The following CNOT6 variants were observed in gnomAD, a reference collection of about 807,000 sequenced individuals.
CNOT6 encodes the protein CCR4-NOT transcription complex subunit 6, also known as carbon catabolite repression 4 protein.
Under a neutral mutation model 61.2 loss-of-function variants are expected in CNOT6, and 12 were observed. That is an observed-to-expected ratio of 0.20 (90% CI 0.13 to 0.32). CNOT6 has a LOEUF of 0.32. Ranked by LOEUF, CNOT6 falls within the 10% of genes least tolerant of loss-of-function variation. The probability of loss-of-function intolerance (pLI) is 1.00; values close to 1 mark genes in which losing one functional copy is unlikely to be tolerated. For synonymous variants in CNOT6, 225 were observed against 240.6 expected (o/e 0.94, Z 0.60); for missense variants, 405 against 663.9 (o/e 0.61, Z 4.28).
At chr5:180,563,216 A>ATTTT (rs11379078) in intron 4 of CNOT6, among the ~76,000 whole-genome samples, 1 of 140,232 alleles carries the variant, frequency 7.1e-6, no homozygotes, top group Non-Finnish European at 1.5e-5. Context: ...TTCCTGTTAA[A>ATTTT]TTTTTTTTTT....
chr5:180,526,566 TAGG>T (rs1371483497), intron 1 of CNOT6, among the ~76,000 whole-genome samples: 1 of 152,162 alleles, frequency 6.6e-6, no homozygotes, highest in East Asian at 1.9e-4. Flanking sequence ...AGAAGTCATC[TAGG>T]AGAAGGGGAT....
chr5:180,541,572 C>T (rs759900541), intron 2 of CNOT6, among the ~76,000 whole-genome samples: 15 of 150,282 alleles, frequency 1.0e-4, no homozygotes, highest in Admixed American at 3.3e-4. Flanking sequence ...CTGCCTCAGC[C>T]TCCCGAGTAG....
At chr5:180,552,119 T>C (rs574094726) in intron 3 of CNOT6, among the ~76,000 whole-genome samples, 3 of 151,950 alleles carry the variant, frequency 2.0e-5, no homozygotes, top group African/African-American at 7.2e-5. Context: ...TCTGCCTGCC[T>C]CGGCCTCCCA....
intron 1 of CNOT6, among the ~76,000 whole-genome samples, chr5:180,517,180 C>T (rs548350069): frequency 5.3e-5 from 8 of 152,336 alleles, no homozygotes; most frequent in South Asian, 2.1e-4. Flanking sequence ...TCCTTTCGCT[C>T]AGGCTGGAGC....
intron 1 of CNOT6, among the ~76,000 whole-genome samples, chr5:180,512,271 T>TGG (rs1424707252): frequency 6.6e-6 from 1 of 152,076 alleles, no homozygotes; most frequent in Non-Finnish European, 1.5e-5. Context: ...GGGAAGGAGG[T>TGG]GGGTAACATT....
chr5:180,508,819 T>A (rs1034884601), intron 1 of CNOT6, among the ~76,000 whole-genome samples: 4 of 61,182 alleles, frequency 6.5e-5, no homozygotes, highest in Admixed American at 1.3e-4. Context: ...TTAATTAATT[T>A]TATTATTATT....
At chr5:180,555,588 T>G (rs1357107233) in intron 4 of CNOT6, among the ~76,000 whole-genome samples, 3 of 152,230 alleles carry the variant, frequency 2.0e-5, no homozygotes, top group Non-Finnish European at 4.4e-5. Context: ...TTTTATTTTT[T>G]CTGAGCTTTT....
At chr5:180,505,890 G>A (rs1258279093) in intron 1 of CNOT6, among the ~76,000 whole-genome samples, 1 of 152,114 alleles carries the variant, frequency 6.6e-6, no homozygotes, top group African/African-American at 2.4e-5. Context: ...GTCCCGAGAC[G>A]GTAGTGTTTT....
intron 1 of CNOT6, among the ~76,000 whole-genome samples, chr5:180,499,160 C>A (rs1177796793): frequency 1.3e-5 from 2 of 152,170 alleles, no homozygotes; most frequent in African/African-American, 4.8e-5. Context: ...TAGGGCTATG[C>A]CCAGTTGCTC....
chr5:180,562,255 T>C (rs148660155), intron 4 of CNOT6, among the ~76,000 whole-genome samples: 110 of 152,358 alleles, frequency 7.2e-4, no homozygotes, highest in African/African-American at 2.6e-3. Flanking sequence ...ACAGTGCTTT[T>C]AGTTGTACCT....
intron 4 of CNOT6, among the ~76,000 whole-genome samples, chr5:180,560,041 T>A (rs977641763): frequency 1.1e-4 from 16 of 151,636 alleles, no homozygotes; most frequent in African/African-American, 3.9e-4. Context: ...TTCCGCCTCC[T>A]GGGTTCAAAC....
chr5:180,524,845 G>C (rs1293120535), intron 1 of CNOT6, among the ~76,000 whole-genome samples: 1 of 152,290 alleles, frequency 6.6e-6, no homozygotes, highest in East Asian at 1.9e-4. Context: ...AATTCTATCT[G>C]GGAAAGCTAA....
chr5:180,527,818 G>A (rs763824912), intron 1 of CNOT6, among the ~76,000 whole-genome samples: 12 of 152,252 alleles, frequency 7.9e-5, no homozygotes, highest in African/African-American at 4.8e-5. Flanking sequence ...GGAGGTGAGC[G>A]GCACGTGAGC....
chr5:180,570,833 G>A (rs559410693), intron 10 of CNOT6, among the ~76,000 whole-genome samples: 17 of 152,118 alleles, frequency 1.1e-4, no homozygotes, highest in Non-Finnish European at 2.2e-4. Flanking sequence ...TCCTAATCTT[G>A]GGATTTTATA....
intron 2 of CNOT6, among the ~76,000 whole-genome samples, chr5:180,535,988 GTTTTTTTTTTTTTTTTTT>G (rs756489493): frequency 1.2e-3 from 72 of 62,502 alleles, no homozygotes; most frequent in African/African-American, 4.6e-3. Flanking sequence ...ACTTATTAGG[GTTTTTTTTTTTTTTTTTT>G]TTTTTTTTTT....
intron 1 of CNOT6, among the ~76,000 whole-genome samples, chr5:180,501,736 T>G (rs1398519422): frequency 6.6e-6 from 1 of 152,166 alleles, no homozygotes; most frequent in Non-Finnish European, 1.5e-5. Flanking sequence ...GAACAGCTAA[T>G]ATTTTGTTTT....
chr5:180,569,969 G>C (rs1348981633), intron 10 of CNOT6, among the ~76,000 whole-genome samples: 1 of 152,102 alleles, frequency 6.6e-6, no homozygotes, highest in African/African-American at 2.4e-5. Context: ...ATACACACAG[G>C]AATACTCTTC....
chr5:180,573,552 A>AGTGTGTGT (rs755954581), intron 11 of CNOT6, among the ~76,000 whole-genome samples: 20 of 119,264 alleles, frequency 1.7e-4, no homozygotes, highest in African/African-American at 3.2e-4. Flanking sequence ...GGAGGGGGGC[A>AGTGTGTGT]GTGTGTGTGT....
At chr5:180,558,675 T>C (rs907533781) in intron 4 of CNOT6, among the ~76,000 whole-genome samples, 7 of 152,058 alleles carry the variant, frequency 4.6e-5, no homozygotes, top group Non-Finnish European at 7.4e-5. Flanking sequence ...GAATTGAGGC[T>C]TCTGTCTTTA....
Sources: gnomAD v4.1 joint callset for allele counts (sites outside exome capture counted in the v4.1 genomes callset) on GRCh38, gnomAD v4.1.1 for gene constraint, MANE v1.5 for transcripts, NCBI Gene and HGNC (gene_info 2026-07-23, HGNC 2026-07-21) for gene names.